Variants in PCDH9 observed in about 807,000 individuals in gnomAD.
PCDH9 encodes the protein protocadherin 9.
Under a neutral mutation model 70.6 loss-of-function variants are expected in PCDH9, and 24 were observed. That is an observed-to-expected ratio of 0.34 (90% CI 0.25 to 0.48). The LOEUF (loss-of-function observed/expected upper bound fraction) is 0.48. Ranked by LOEUF, PCDH9 falls within the 20% of genes least tolerant of loss-of-function variation. The pLI, the probability that PCDH9 is intolerant of heterozygous loss-of-function variation, is 0.99. For missense variants in PCDH9, 1,281 were observed against 1,503.6 expected (o/e 0.85, Z 2.45); for synonymous variants, 562 against 558.5 (o/e 1.01, Z -0.09).
At chr13:66,914,137 T>A (rs2139627916) in intron 2 of PCDH9, among the ~76,000 whole-genome samples, 1 of 152,088 alleles carries the variant, frequency 6.6e-6, no homozygotes, top group South Asian at 2.1e-4. Context: ...AATCTATTTT[T>A]AAAATGAAAG....
chr13:66,374,434 A>T (rs1956714047), intron 4 of PCDH9, among the ~76,000 whole-genome samples: 1 of 152,036 alleles, frequency 6.6e-6, no homozygotes, highest in Non-Finnish European at 1.5e-5. Context: ...ATTTTTGTTC[A>T]TTTAGATTGC....
chr13:66,648,706 T>A lies in PCDH9; in HGVS notation c.3139-17295A>T, dbSNP rs540077138. 6.0e-5 allele frequency among the ~76,000 whole-genome samples: 9 copies of A among 150,916 alleles called. No individual in the cohort carries two copies. In the East Asian group the frequency reaches 1.8e-3, roughly 30 times the overall value. The stretch of plus-strand genomic sequence containing the variant: ...CAAGTATCAAGACCATCCAAGAAAA[T>A]CTCACCTCACTAAAAAAAACTAAAA... On this transcript the variant is annotated intron_variant, in intron 3 of 4. Coordinates refer to ENST00000377865, the MANE Select transcript of PCDH9 (RefSeq NM_203487.3).
At chr13:67,193,332 A>AC (rs2088969408) in intron 2 of PCDH9, among the ~76,000 whole-genome samples, 1 of 141,954 alleles carries the variant, frequency 7.0e-6, no homozygotes, top group Admixed American at 7.1e-5. Flanking sequence ...TGGAGATTAA[A>AC]ACACACACAC....
At chr13:66,698,895 CTTTTTTT>C (rs67333897) in intron 3 of PCDH9, among the ~76,000 whole-genome samples, 1 of 61,132 alleles carries the variant, frequency 1.6e-5, no homozygotes, top group African/African-American at 5.5e-5. Context: ...CTCAATTCCT[CTTTTTTT>C]TTTTTTTTTT....
intron 2 of PCDH9, among the ~76,000 whole-genome samples, chr13:66,969,462 T>C (rs1395719208): frequency 6.6e-6 from 1 of 152,104 alleles, no homozygotes; most frequent in Non-Finnish European, 1.5e-5. Context: ...CCTACAATTA[T>C]GTTGATAGCA....
chr13:66,377,084 A>G (rs1225056133), intron 4 of PCDH9, among the ~76,000 whole-genome samples: 1 of 152,200 alleles, frequency 6.6e-6, no homozygotes, highest in Non-Finnish European at 1.5e-5. Context: ...TGGTGTGGTC[A>G]TATTGTCATT....
rs117974624 is a variant in PCDH9, at chr13:66,762,878, T to A, written c.3139-131467A>T. 1.7e-3 allele frequency among the ~76,000 whole-genome samples: 263 copies of A among 152,196 alleles called. 5 individuals are homozygous for A. The East Asian group carries it at 0.043, about 25-fold the overall frequency. Reference sequence around the variant, plus strand: ...CAAGTCTCAGAGAAAAAAAATTTAATTTATATACACAATGAATCAGTTCAT... The same window carrying A: ...CAAGTCTCAGAGAAAAAAAATTTAAATTATATACACAATGAATCAGTTCAT... On this transcript the variant is annotated intron_variant, in intron 3 of 4. Coordinates refer to ENST00000377865, the MANE Select transcript of PCDH9 (RefSeq NM_203487.3).
intron 3 of PCDH9, among the ~76,000 whole-genome samples, chr13:66,897,668 A>G (rs1322837117): frequency 1.3e-5 from 2 of 152,134 alleles, no homozygotes; most frequent in Non-Finnish European, 2.9e-5. Context: ...GAGTGTATGT[A>G]GTGTTTCTAT....
chr13:66,905,803 C>A (rs1233650244), intron 2 of PCDH9, among the ~76,000 whole-genome samples: 5 of 152,082 alleles, frequency 3.3e-5, no homozygotes, highest in Non-Finnish European at 7.4e-5. Flanking sequence ...AAAACATAAT[C>A]CATCCTATAA....
chr13:67,006,357 G>A (rs2084355552), intron 2 of PCDH9, among the ~76,000 whole-genome samples: 2 of 152,140 alleles, frequency 1.3e-5, no homozygotes, highest in Non-Finnish European at 2.9e-5. Context: ...ATACAAAACC[G>A]GAATAGAAAT....
chr13:67,167,312 C>T (rs532303354), intron 2 of PCDH9, among the ~76,000 whole-genome samples: 1 of 152,142 alleles, frequency 6.6e-6, no homozygotes, highest in African/African-American at 2.4e-5. Flanking sequence ...GGTTCTGTTT[C>T]CCCTAATTTA....
intron 2 of PCDH9, among the ~76,000 whole-genome samples, chr13:67,152,770 G>A (rs1232851812): frequency 2.0e-5 from 3 of 152,190 alleles, no homozygotes; most frequent in Non-Finnish European, 2.9e-5. Flanking sequence ...TAAAACTCAC[G>A]TTCTTTGGGC....
intron 3 of PCDH9, among the ~76,000 whole-genome samples, chr13:66,755,417 G>A (rs7325900): frequency 0.77 from 117,292 of 152,052 alleles, 49,002 homozygotes; most frequent in South Asian, 0.92. Flanking sequence ...TGTCTGTTTC[G>A]TTGAAATAAA....
intron 4 of PCDH9, among the ~76,000 whole-genome samples, chr13:66,549,951 A>G (rs556162353): frequency 6.6e-6 from 1 of 152,306 alleles, no homozygotes; most frequent in South Asian, 2.1e-4. Flanking sequence ...AGATTCTTGA[A>G]TAGAAAACAA....
chr13:66,475,243 G>T (rs1191452243), intron 4 of PCDH9, among the ~76,000 whole-genome samples: 1 of 152,072 alleles, frequency 6.6e-6, no homozygotes, highest in Non-Finnish European at 1.5e-5. Flanking sequence ...TTTGCTAAAA[G>T]AGACCATATG....
chr13:67,225,772 G>T lies in PCDH9; in HGVS notation c.2669C>A (p.Ser890Tyr). 1 of 1,614,116 alleles carries T rather than the reference G, an allele frequency of 6.2e-7. No homozygotes were observed. The highest frequency in any genetic ancestry group is 8.5e-7 in the Non-Finnish European group (1 of 1,180,016). Reference sequence around the variant, plus strand: ...TTCATGAACTGCATCATCGGGTTTGGACTCTTCGATAGTAACAAAGTTCAA... The same window carrying T: ...TTCATGAACTGCATCATCGGGTTTGTACTCTTCGATAGTAACAAAGTTCAA... ...SLLNFVTIEE[S>Y]KPDDAVHEPI... The change falls in exon 2 of 5, where the codon TCC (serine) becomes TAC (tyrosine). Residue 890 changes from serine to tyrosine, a missense_variant. By Grantham distance (144) the Ser-to-Tyr change is moderately radical (BLOSUM62 -2). Coordinates refer to ENST00000377865, the MANE Select transcript of PCDH9 (RefSeq NM_203487.3).
At chr13:67,041,977 G>A (rs1458463367) in intron 2 of PCDH9, among the ~76,000 whole-genome samples, 1 of 152,082 alleles carries the variant, frequency 6.6e-6, no homozygotes, top group African/African-American at 2.4e-5. Context: ...TTCTGGTTGA[G>A]GCTATAAAAA....
intron 4 of PCDH9, among the ~76,000 whole-genome samples, chr13:66,463,467 GA>G (rs1268117723): frequency 1.3e-5 from 2 of 151,322 alleles, no homozygotes; most frequent in Non-Finnish European, 3.0e-5. Context: ...AAGAGAGAGA[GA>G]AAAAAAAGAG....
In PCDH9 at chr13:66,603,200, G is replaced by A. The variant is rs73194765; in HGVS notation, c.3340+28010C>T. ...AAAAGATTTCTTGTGACTAATAATT[G>A]ACTTAGTGCTAGTTCTGACTATGCG... On this transcript the variant is annotated intron_variant, in intron 4 of 4. Transcript: ENST00000377865. Among the ~76,000 whole-genome samples the A allele has an allele frequency of 3.4e-5, 4 of 116,796 alleles. 1 individual carries two copies. Among genetic ancestry groups the A allele is most frequent in the Non-Finnish European group, 8.3e-5 (4 of 48,308 alleles). The allele number at this position is 116,796 out of a possible 152,430, so 76.6% of individuals were successfully genotyped here.
Sources: allele counts gnomAD v4.1 joint callset (sites outside exome capture counted in the v4.1 genomes callset), GRCh38; gene constraint gnomAD v4.1.1; transcripts MANE v1.5; gene names NCBI Gene and HGNC (gene_info 2026-07-23, HGNC 2026-07-21).